RBMS3: variants seen among roughly 807,000 people sequenced by gnomAD.
The protein encoded by RBMS3 is RNA binding motif single stranded interacting protein 3, also known as RNA-binding motif, single-stranded-interacting protein 3.
A neutral mutation model predicts 66.8 loss-of-function variants in RBMS3; 27 were observed. The observed-to-expected ratio is 0.40, with a 90% CI of 0.30 to 0.56. RBMS3 has a LOEUF of 0.56. Among genes scored for constraint, RBMS3 ranks in the 20% least tolerant of loss-of-function variants. RBMS3 has a pLI of 0.40. For missense variants in RBMS3, 513 were observed against 549.5 expected (o/e 0.93, Z 0.66); for synonymous variants, 188 against 183.0 (o/e 1.03, Z -0.22).
chr3:29,977,706 C>T (rs915460414), intron 12 of RBMS3, among the ~76,000 whole-genome samples: 1 of 152,076 alleles, frequency 6.6e-6, no homozygotes, highest in Non-Finnish European at 1.5e-5. Context: ...TTACCAAATA[C>T]ATATATATTC....
At chr3:29,785,026 T>A (rs1336303133) in intron 6 of RBMS3, among the ~76,000 whole-genome samples, 1 of 151,930 alleles carries the variant, frequency 6.6e-6, no homozygotes, top group Non-Finnish European at 1.5e-5. Context: ...GAAATGGTAA[T>A]TTTAAAATTG....
chr3:29,847,687 C>G (rs756575878), intron 6 of RBMS3, among the ~76,000 whole-genome samples: 85 of 151,528 alleles, frequency 5.6e-4, no homozygotes, highest in Non-Finnish European at 8.8e-4. Flanking sequence ...ACGGAGTCTC[C>G]CTCTGTCGCC....
At chr3:29,613,059 T>G (rs1345360689) in intron 4 of RBMS3, among the ~76,000 whole-genome samples, 2 of 152,150 alleles carry the variant, frequency 1.3e-5, no homozygotes, top group Non-Finnish European at 2.9e-5. Flanking sequence ...CAGAGCTCCA[T>G]GCTCAGTAGG....
At chr3:29,752,769 A>G (rs988348964) in intron 5 of RBMS3, among the ~76,000 whole-genome samples, 1 of 152,200 alleles carries the variant, frequency 6.6e-6, no homozygotes, top group Non-Finnish European at 1.5e-5. Flanking sequence ...TAAATTTACA[A>G]TCACAAAAAC....
At chr3:29,339,267 A>G (rs1293035331) in intron 1 of RBMS3, among the ~76,000 whole-genome samples, 2 of 152,176 alleles carry the variant, frequency 1.3e-5, no homozygotes, top group Non-Finnish European at 2.9e-5. Context: ...TGTCTGCCTG[A>G]AGACAGACCA....
rs1179563454 is a variant in RBMS3 at position 30,009,839 on chromosome 3, TGAGA to T, written c.*5978_*5981del. 6.6e-6 allele frequency: 1 copy of T among 152,208 alleles called. No individual in the cohort carries two copies. The highest frequency in any genetic ancestry group is 1.9e-4 in the East Asian group (1 of 5,196). The allele number at this position is 152,208 out of a possible 1,614,324, so 9.4% of individuals were successfully genotyped here. ...TTCAAACCCTCTGGTCTAAGATTAT[TGAGA>T]AAGATGTTTTTTCCTCCTCCCTCAA... is the stretch of plus-strand genomic sequence containing the variant. On this transcript the variant is annotated 3_prime_UTR_variant, in exon 15 of 15. Coordinates refer to ENST00000383767, the MANE Select transcript of RBMS3 (RefSeq NM_001003793.3).
At chr3:29,540,595 GAT>G (rs2045720309) in intron 3 of RBMS3, among the ~76,000 whole-genome samples, 1 of 152,134 alleles carries the variant, frequency 6.6e-6, no homozygotes, top group Non-Finnish European at 1.5e-5. Flanking sequence ...TTACTATATT[GAT>G]ATAGTAACTC....
intron 6 of RBMS3, among the ~76,000 whole-genome samples, chr3:29,846,690 C>G (rs4680732): frequency 0.032 from 4,811 of 152,112 alleles, 163 homozygotes; most frequent in East Asian, 0.095. Context: ...CATAAATACT[C>G]TCTAAAAAAA....
At chr3:29,986,611 G>T (rs1296775066) in intron 12 of RBMS3, among the ~76,000 whole-genome samples, 2 of 152,192 alleles carry the variant, frequency 1.3e-5, no homozygotes, top group African/African-American at 2.4e-5. Flanking sequence ...CCAGGGAACT[G>T]TTATCTACAA....
At chr3:29,714,747 TACACACAC>T (rs34878958) in intron 4 of RBMS3, among the ~76,000 whole-genome samples, 9,543 of 148,866 alleles carry the variant, frequency 0.064, 969 homozygotes, top group African/African-American at 0.21. Flanking sequence ...TGCACACATG[TACACACAC>T]ACACACACAC....
intron 3 of RBMS3, among the ~76,000 whole-genome samples, chr3:29,544,699 A>G (rs1458907590): frequency 6.6e-6 from 1 of 150,664 alleles, no homozygotes; most frequent in African/African-American, 2.5e-5. Flanking sequence ...TGAAATGTAA[A>G]TGTGTGTGTG....
At chr3:29,377,292 G>A (rs1400010070) in intron 1 of RBMS3, among the ~76,000 whole-genome samples, 2 of 152,112 alleles carry the variant, frequency 1.3e-5, no homozygotes, top group African/African-American at 4.8e-5. Context: ...CAGATGTGCT[G>A]GGCGTGAACA....
intron 7 of RBMS3, among the ~76,000 whole-genome samples, chr3:29,871,296 C>T (rs377767171): frequency 4.6e-5 from 7 of 152,086 alleles, no homozygotes; most frequent in Non-Finnish European, 1.0e-4. Flanking sequence ...CCTACATTGT[C>T]GGGTTAAGGT....
chr3:29,809,338 GAA>G (rs5847597), intron 6 of RBMS3, among the ~76,000 whole-genome samples: 1 of 146,340 alleles, frequency 6.8e-6, no homozygotes. Flanking sequence ...TGATCAGTGG[GAA>G]AAAAAAAAAA....
intron 6 of RBMS3, among the ~76,000 whole-genome samples, chr3:29,852,201 G>T (rs890696765): frequency 1.3e-5 from 2 of 151,596 alleles, no homozygotes; most frequent in African/African-American, 2.4e-5. Flanking sequence ...AAGACTTAAA[G>T]GTACAACCTC....
chr3:29,766,278 A>G (rs1383162382), intron 6 of RBMS3: 1 of 151,970 alleles, frequency 6.6e-6, no homozygotes. Context: ...TATTTTCCTG[A>G]GATGATCATC....
intron 1 of RBMS3, among the ~76,000 whole-genome samples, chr3:29,284,566 G>A (rs556783604): frequency 2.3e-4 from 35 of 152,194 alleles, no homozygotes; most frequent in African/African-American, 8.4e-4. Context: ...ACATAGTAAA[G>A]TTTTAGAAGA....
chr3:29,355,931 C>T (rs1001658947), intron 1 of RBMS3, among the ~76,000 whole-genome samples: 1 of 152,116 alleles, frequency 6.6e-6, no homozygotes, highest in African/African-American at 2.4e-5. Context: ...TAGTCTCCCT[C>T]CCAGTGAATC....
At chr3:29,371,324 C>T (rs149239803) in intron 1 of RBMS3, among the ~76,000 whole-genome samples, 198 of 152,298 alleles carry the variant, frequency 1.3e-3, no homozygotes, top group African/African-American at 3.6e-3. Flanking sequence ...CAGAAACAGA[C>T]ATTTGATTGG....
Sources: gnomAD v4.1 joint callset for allele counts (sites outside exome capture counted in the v4.1 genomes callset) on GRCh38, gnomAD v4.1.1 for gene constraint, MANE v1.5 for transcripts, NCBI Gene and HGNC (gene_info 2026-07-23, HGNC 2026-07-21) for gene names.